LINGO2: variants seen among roughly 807,000 people sequenced by gnomAD.
LINGO2 encodes leucine-rich repeat and immunoglobulin-like domain-containing nogo receptor-interacting protein 2.
Under a neutral mutation model 30.6 loss-of-function variants are expected in LINGO2, and 14 were observed. The observed-to-expected ratio is 0.46, with a 90% CI of 0.30 to 0.72. The LOEUF (loss-of-function observed/expected upper bound fraction) is 0.72, where lower values mean the gene tolerates loss of function less well. Among genes scored for constraint, LINGO2 ranks in the 30% least tolerant of loss-of-function variants. The pLI is 0.07. For synonymous variants in LINGO2, 317 were observed against 288.5 expected, an observed-to-expected ratio of 1.10 and a Z score of -1.00; for missense variants, 729 against 751.7, an observed-to-expected ratio of 0.97 and a Z score of 0.35.
At chr9:28,459,131 AT>A (rs1310633592) in intron 2 of LINGO2, among the ~76,000 whole-genome samples, 4 of 152,130 alleles carry the variant, frequency 2.6e-5, no homozygotes, top group Non-Finnish European at 5.9e-5. Context: ...TTTGCAAAAA[AT>A]AAATGATGCT....
rs113637611 is a variant in LINGO2, at chr9:28,528,760, G to GGTGT, written c.-364-52739_-364-52736dup. Among the ~76,000 whole-genome samples, 1,482 of 150,280 alleles carry GGTGT rather than the reference G, an allele frequency of 9.9e-3. 8 individuals carry two copies. The highest frequency in any genetic ancestry group is 0.021 in the Middle Eastern group (6 of 292). ...ACCATCTACTATTCTCTGCAGCAAAGGTGTGTGTGTGTGTGTGTATTGTTG... is the reference window on the plus strand; with the variant it reads ...ACCATCTACTATTCTCTGCAGCAAAGGTGTGTGTGTGTGTGTGTGTGTATTGTTG... On this transcript the variant is annotated intron_variant, in intron 1 of 5. Transcript: ENST00000379992.
chr9:28,664,557 AAAG>A (rs1828716257), intron 1 of LINGO2, among the ~76,000 whole-genome samples: 1 of 152,134 alleles, frequency 6.6e-6, no homozygotes, highest in Non-Finnish European at 1.5e-5. Context: ...AATGTATTAG[AAAG>A]AAGGATGACT....
chr9:28,031,455 A>T (rs567683985), intron 4 of LINGO2, among the ~76,000 whole-genome samples: 3 of 150,194 alleles, frequency 2.0e-5, no homozygotes, highest in Non-Finnish European at 4.4e-5. Flanking sequence ...GGAATGATTA[A>T]ATCAATCTAA....
chr9:28,122,599 C>T (rs965674475), intron 4 of LINGO2, among the ~76,000 whole-genome samples: 3 of 152,184 alleles, frequency 2.0e-5, no homozygotes, highest in Non-Finnish European at 4.4e-5. Flanking sequence ...AGAAGAGTCG[C>T]TCTGTGGGTT....
At chr9:28,031,351 TG>T (rs1451463626) in intron 4 of LINGO2, among the ~76,000 whole-genome samples, 163 of 143,390 alleles carry the variant, frequency 1.1e-3, no homozygotes, top group African/African-American at 3.3e-3. Flanking sequence ...AAAAACAGGA[TG>T]GTTTTTTTTT....
the LINGO2 span, among the ~76,000 whole-genome samples, chr9:29,183,955 A>C: frequency 6.6e-6 from 1 of 152,028 alleles, no homozygotes; most frequent in African/African-American, 2.4e-5. Flanking sequence ...ATAATATTTA[A>C]ATGATATTTA....
chr9:28,561,781 A>ATATATATAT (rs1491164807), intron 1 of LINGO2, among the ~76,000 whole-genome samples: 15 of 102,272 alleles, frequency 1.5e-4, no homozygotes, highest in African/African-American at 3.8e-4. Flanking sequence ...ATATATATAT[A>ATATATATAT]AAAAATATGC....
chr9:28,998,659 G>T, the LINGO2 span, among the ~76,000 whole-genome samples: 213 of 151,456 alleles, frequency 1.4e-3, no homozygotes, highest in African/African-American at 4.5e-3. Context: ...CCTAGTCAAG[G>T]TTAAGGATTG....
chr9:28,240,732 G>A (rs181496555), intron 4 of LINGO2, among the ~76,000 whole-genome samples: 2 of 152,074 alleles, frequency 1.3e-5, no homozygotes, highest in African/African-American at 2.4e-5. Flanking sequence ...ATTGGTCTGG[G>A]CAAAAATTTC....
At chr9:28,331,871 A>G (rs1376426290) in intron 3 of LINGO2, among the ~76,000 whole-genome samples, 1 of 152,166 alleles carries the variant, frequency 6.6e-6, no homozygotes, top group African/African-American at 2.4e-5. Flanking sequence ...CACCTTGCAC[A>G]TGTCACTAAC....
intron 3 of LINGO2, among the ~76,000 whole-genome samples, chr9:28,320,277 T>G (rs1317844593): frequency 6.6e-6 from 1 of 152,132 alleles, no homozygotes; most frequent in Non-Finnish European, 1.5e-5. Context: ...GGAGTAGAAT[T>G]CATGTCTCTA....
At chr9:28,285,461 A>G (rs1823473834) in intron 4 of LINGO2, among the ~76,000 whole-genome samples, 1 of 124,126 alleles carries the variant, frequency 8.1e-6, no homozygotes, top group South Asian at 2.7e-4. Flanking sequence ...GCTGGAGTGC[A>G]GTGGCGTGAT....
intron 4 of LINGO2, among the ~76,000 whole-genome samples, chr9:28,183,806 G>T (rs1383883134): frequency 6.6e-6 from 1 of 152,136 alleles, no homozygotes; most frequent in Non-Finnish European, 1.5e-5. Flanking sequence ...TATTTTGGAA[G>T]GCCATAGCTA....
At chr9:28,430,101 C>CGTGT (rs1554720059) in intron 2 of LINGO2, among the ~76,000 whole-genome samples, 18 of 77,032 alleles carry the variant, frequency 2.3e-4, no homozygotes, top group Non-Finnish European at 4.0e-4. Flanking sequence ...TTTCCACGCG[C>CGTGT]GCGCGCGCGT....
At chr9:29,106,807 C>A in the LINGO2 span, among the ~76,000 whole-genome samples, 1 of 152,008 alleles carries the variant, frequency 6.6e-6, no homozygotes, top group Non-Finnish European at 1.5e-5. Flanking sequence ...AATGAGGGAA[C>A]TGAATTTTAG....
intron 3 of LINGO2, among the ~76,000 whole-genome samples, chr9:28,354,914 G>T (rs1167155434): frequency 6.6e-6 from 1 of 152,090 alleles, no homozygotes; most frequent in Admixed American, 6.6e-5. Flanking sequence ...ACTGAGACTT[G>T]ATCAGCTTGC....
chr9:28,347,281 T>C (rs1303653486), intron 3 of LINGO2, among the ~76,000 whole-genome samples: 1 of 152,208 alleles, frequency 6.6e-6, no homozygotes, highest in African/African-American at 2.4e-5. Context: ...CTAGTTCCTA[T>C]GATTAAGGCC....
chr9:28,792,270 C>T, the LINGO2 span, among the ~76,000 whole-genome samples: 2 of 151,998 alleles, frequency 1.3e-5, no homozygotes, highest in East Asian at 3.9e-4. Context: ...TCTTCACCTC[C>T]ACTCTTAAAG....
intron 2 of LINGO2, among the ~76,000 whole-genome samples, chr9:28,465,315 G>C (rs1180347581): frequency 6.6e-6 from 1 of 152,128 alleles, no homozygotes; most frequent in Non-Finnish European, 1.5e-5. Flanking sequence ...GATAAAGTGG[G>C]AAGGCGGCCT....
Sources: allele counts gnomAD v4.1 joint callset (sites outside exome capture counted in the v4.1 genomes callset), GRCh38; gene constraint gnomAD v4.1.1; transcripts MANE v1.5; gene names NCBI Gene and HGNC (gene_info 2026-07-23, HGNC 2026-07-21).